Variants in CSMD1 observed in about 807,000 individuals in gnomAD.
CSMD1 encodes CUB and Sushi multiple domains 1, also known as CUB and sushi domain-containing protein 1.
A neutral mutation model predicts 417.5 loss-of-function variants in CSMD1; 213 were observed. The ratio of observed to expected loss-of-function variants is 0.51; its 90% confidence interval spans 0.46 to 0.57. CSMD1 has a LOEUF of 0.57. Ranked by LOEUF, CSMD1 falls within the 20% of genes least tolerant of loss-of-function variation. CSMD1 has a pLI of 0.00. For missense variants in CSMD1, 6,923 were observed against 4,529.7 expected (o/e 1.53, Z -15.17); for synonymous variants, 2,862 against 1,736.8 (o/e 1.65, Z -16.11).
intron 12 of CSMD1, among the ~76,000 whole-genome samples, chr8:3,445,338 G>C (rs1815230897): frequency 6.6e-6 from 1 of 152,152 alleles, no homozygotes; most frequent in African/African-American, 2.4e-5. Context: ...ATCACATTCT[G>C]CAGATTGACG....
intron 3 of CSMD1, among the ~76,000 whole-genome samples, chr8:4,204,322 T>G (rs1005117700): frequency 2.0e-5 from 3 of 151,748 alleles, no homozygotes; most frequent in Non-Finnish European, 4.4e-5. Flanking sequence ...ATCAGAATAG[T>G]TTTTTAAAAA....
At chr8:3,797,018 T>C (rs1044818176) in intron 5 of CSMD1, among the ~76,000 whole-genome samples, 18 of 151,880 alleles carry the variant, frequency 1.2e-4, no homozygotes, top group Middle Eastern at 3.2e-3. Flanking sequence ...TTGTTAATTA[T>C]ATAAATTTAA....
At chr8:2,994,534 G>T (rs936800903) in intron 54 of CSMD1, among the ~76,000 whole-genome samples, 8 of 152,120 alleles carry the variant, frequency 5.3e-5, no homozygotes, top group African/African-American at 1.9e-4. Flanking sequence ...CCACTGCCAT[G>T]TTTTACAGAG....
intron 12 of CSMD1, among the ~76,000 whole-genome samples, chr8:3,465,644 C>T (rs1204642063): frequency 6.6e-6 from 1 of 152,196 alleles, no homozygotes; most frequent in Admixed American, 6.5e-5. Flanking sequence ...ATATTTTACA[C>T]TACTCAGGCT....
chr8:4,834,402 G>C (rs1193211569), intron 1 of CSMD1, among the ~76,000 whole-genome samples: 2 of 152,134 alleles, frequency 1.3e-5, no homozygotes, highest in Non-Finnish European at 2.9e-5. Flanking sequence ...ATAGCTCTAA[G>C]TCCTAACAAT....
chr8:4,529,596 T>C (rs1796687603), intron 2 of CSMD1, among the ~76,000 whole-genome samples: 1 of 152,186 alleles, frequency 6.6e-6, no homozygotes. Context: ...TTGGGGGCAG[T>C]GTTGCCAGAT....
chr8:4,304,574 T>C lies in CSMD1; in HGVS notation c.415+115379A>G, dbSNP rs149454374. Among the ~76,000 whole-genome samples, 759 of 152,204 alleles carry C rather than the reference T, an allele frequency of 5.0e-3. 3 individuals are homozygous for C. The highest frequency in any genetic ancestry group is 0.018 in the African/African-American group (731 of 41,534). On this transcript the variant is annotated intron_variant, in intron 3 of 69. Coordinates refer to ENST00000635120, the MANE Select transcript of CSMD1 (RefSeq NM_033225.6). ...ATAATCAATTGGGATGTGTTTAAAA[T>C]TGCTTTGAAATGTCAAATCCTCTTT...
At chr8:4,222,533 C>G (rs1801101840) in intron 3 of CSMD1, among the ~76,000 whole-genome samples, 1 of 152,006 alleles carries the variant, frequency 6.6e-6, no homozygotes, top group Non-Finnish European at 1.5e-5. Context: ...ATCAAGAAAA[C>G]ATAAAAACCA....
Position 4,036,434 on chromosome 8 carries a change from C to G in CSMD1, c.416-4335G>C, listed in dbSNP as rs1051425966. ...TTACATATTTCTGAAGGAAAAATAT[C>G]ATTAATGAATATGAGTCTCCCCAAG... On this transcript the variant is annotated intron_variant, in intron 3 of 69. Coordinates refer to ENST00000635120, the MANE Select transcript of CSMD1 (RefSeq NM_033225.6). Among the ~76,000 whole-genome samples, 10 of 152,140 alleles carry G rather than the reference C, an allele frequency of 6.6e-5. No individual in the cohort carries two copies. The East Asian group carries it at 1.9e-3, about 29-fold the overall frequency.
chr8:3,598,219 G>C (rs540641311), intron 8 of CSMD1: 10 of 152,174 alleles, frequency 6.6e-5, no homozygotes, highest in African/African-American at 1.4e-4. Flanking sequence ...GGAAGTTAAT[G>C]CTAAAATTAT....
At chr8:3,593,710 T>A (rs570272101) in intron 8 of CSMD1, among the ~76,000 whole-genome samples, 1 of 152,340 alleles carries the variant, frequency 6.6e-6, no homozygotes, top group African/African-American at 2.4e-5. Flanking sequence ...ATTTTATACA[T>A]CAGAATTTAT....
chr8:4,649,625 A>T (rs186137257), intron 1 of CSMD1, among the ~76,000 whole-genome samples: 99 of 152,308 alleles, frequency 6.5e-4, no homozygotes, highest in African/African-American at 2.2e-3. Flanking sequence ...GCAAAGGCCA[A>T]TTTTTTAATT....
intron 3 of CSMD1, among the ~76,000 whole-genome samples, chr8:4,172,742 G>C (rs1286052718): frequency 3.9e-5 from 6 of 152,156 alleles, no homozygotes; most frequent in African/African-American, 1.2e-4. Context: ...GTTGTAAAAA[G>C]ACTGTGGCTT....
chr8:4,068,306 T>A (rs78264845), intron 3 of CSMD1, among the ~76,000 whole-genome samples: 167 of 152,220 alleles, frequency 1.1e-3, no homozygotes, highest in African/African-American at 3.9e-3. Flanking sequence ...GGACAGTGTA[T>A]TGCGGGAGAG....
chr8:4,423,934 T>A (rs1797400422), intron 2 of CSMD1, among the ~76,000 whole-genome samples: 1 of 152,066 alleles, frequency 6.6e-6, no homozygotes, highest in African/African-American at 2.4e-5. Flanking sequence ...ATCTCCAATT[T>A]ATTTTCAACA....
chr8:3,271,061 A>G (rs952914272), intron 26 of CSMD1, among the ~76,000 whole-genome samples: 22 of 147,830 alleles, frequency 1.5e-4, no homozygotes, highest in East Asian at 4.1e-4. Flanking sequence ...TATATCTCCC[A>G]ATGCTGTCCT....
At chr8:4,712,150 C>G (rs1212865696) in intron 1 of CSMD1, among the ~76,000 whole-genome samples, 1 of 152,162 alleles carries the variant, frequency 6.6e-6, no homozygotes, top group Non-Finnish European at 1.5e-5. Flanking sequence ...ATGGCATAGA[C>G]CAGTGAACCT....
At chr8:4,354,252 A>G (rs1006849624) in intron 3 of CSMD1, among the ~76,000 whole-genome samples, 3 of 152,198 alleles carry the variant, frequency 2.0e-5, no homozygotes, top group African/African-American at 7.2e-5. Flanking sequence ...ACAACATTGT[A>G]GATCACGGTG....
chr8:3,543,032 G>T lies in CSMD1; in HGVS notation c.1344+31913C>A, dbSNP rs182966941. Among the ~76,000 whole-genome samples the T allele has an allele frequency of 2.3e-3, 354 of 152,282 alleles. 2 individuals carry two copies. The highest frequency in any genetic ancestry group is 8.3e-3 in the African/African-American group (344 of 41,572). Reference sequence around the variant, plus strand: ...CACTTCATGGCACCTGCTGTTTGTGGGTGTGTTCTGTCTCGCTGGGCTCAG... The same window carrying T: ...CACTTCATGGCACCTGCTGTTTGTGTGTGTGTTCTGTCTCGCTGGGCTCAG... On this transcript the variant is annotated intron_variant, in intron 10 of 69. Transcript: ENST00000635120.
Sources: gnomAD v4.1 joint callset for allele counts (sites outside exome capture counted in the v4.1 genomes callset) on GRCh38, gnomAD v4.1.1 for gene constraint, MANE v1.5 for transcripts, NCBI Gene and HGNC (gene_info 2026-07-23, HGNC 2026-07-21) for gene names.